The following PUDP variants were observed in gnomAD, a reference collection of about 807,000 sequenced individuals.
PUDP encodes the protein pseudouridine-5'-phosphatase.
Under a neutral mutation model 9.4 loss-of-function variants are expected in PUDP, and 8 were observed. The observed-to-expected ratio is 0.85, with a 90% CI of 0.50 to 1.53. PUDP has a LOEUF of 1.53. Ranked by LOEUF, PUDP falls within the 40% of genes most tolerant of loss-of-function variation. The pLI, the probability that PUDP is intolerant of heterozygous loss-of-function variation, is 0.00. For synonymous variants in PUDP, 99 were observed against 80.7 expected, an observed-to-expected ratio of 1.23 and a Z score of -1.22; for missense variants, 188 against 189.7, an observed-to-expected ratio of 0.99 and a Z score of 0.05.
intron 3 of PUDP, among the ~76,000 whole-genome samples, chrX:6,917,929 C>T (rs1927960244): frequency 1.8e-5 from 2 of 111,826 alleles, no homozygotes; most frequent in Non-Finnish European, 3.8e-5. Flanking sequence ...AACAAAGAAA[C>T]GCCAAACCAG....
At chrX:6,711,538 G>T (rs768693299) in intron 1 of PUDP, among the ~76,000 whole-genome samples, 1 of 111,373 alleles carries the variant, frequency 9.0e-6, no homozygotes. Context: ...TGGGGCAAAA[G>T]GGGCTCTGGT....
upstream of PUDP, among the ~76,000 whole-genome samples, chrX:6,723,432 C>CAA (rs549361509): frequency 2.3e-3 from 39 of 17,312 alleles, 3 homozygotes; most frequent in African/African-American, 3.1e-3. Context: ...GAGGCTCTGT[C>CAA]AAAAAAAAAA....
intron 3 of PUDP, among the ~76,000 whole-genome samples, chrX:6,841,519 T>C (rs907969690): frequency 6.3e-5 from 7 of 110,585 alleles, no homozygotes; most frequent in African/African-American, 2.3e-4. Flanking sequence ...AAGGATTGCT[T>C]GAGCCCAGGA....
At chrX:6,723,598 A>C (rs780493115), upstream of PUDP, among the ~76,000 whole-genome samples, 2 of 109,461 alleles carry the variant, frequency 1.8e-5, no homozygotes, top group East Asian at 5.7e-4. Context: ...CAGGAGACTA[A>C]GGCAAGAGGA....
intron 1 of PUDP, among the ~76,000 whole-genome samples, chrX:6,997,323 A>G (rs1464765706): frequency 8.9e-6 from 1 of 112,435 alleles, no homozygotes; most frequent in African/African-American, 3.2e-5. Flanking sequence ...GGTAAAAACC[A>G]TTTACTAGTT....
At chrX:7,065,217 T>A (rs754835876) in intron 3 of PUDP, among the ~76,000 whole-genome samples, 32 of 111,856 alleles carry the variant, frequency 2.9e-4, no homozygotes, top group African/African-American at 1.0e-3. Context: ...CATTAGCCAC[T>A]TCTTCTGGGG....
intron 3 of PUDP, among the ~76,000 whole-genome samples, chrX:6,964,544 C>T (rs755565173): frequency 3.6e-4 from 40 of 110,832 alleles, no homozygotes; most frequent in Non-Finnish European, 7.2e-4. Context: ...CGTGGTGGCA[C>T]ACAACTATGG....
chrX:6,750,987 AG>A (rs749166244), intron 3 of PUDP, among the ~76,000 whole-genome samples: 2 of 110,013 alleles, frequency 1.8e-5, no homozygotes, highest in East Asian at 5.8e-4. Flanking sequence ...AAAATACAAA[AG>A]GAAATTAGCC....
At chrX:6,868,680 T>A (rs1431097138) in intron 3 of PUDP, among the ~76,000 whole-genome samples, 1 of 112,471 alleles carries the variant, frequency 8.9e-6, no homozygotes, top group African/African-American at 3.2e-5. Context: ...AAGCCTACTT[T>A]ATTTATTCTG....
At chrX:6,716,489 T>C (rs774893686) in intron 1 of PUDP, among the ~76,000 whole-genome samples, 8 of 111,749 alleles carry the variant, frequency 7.2e-5, no homozygotes, top group Non-Finnish European at 1.3e-4. Context: ...AGAATAAATA[T>C]GCATGTCGAA....
chrX:7,137,495 C>T (rs1466043000), intron 1 of PUDP, among the ~76,000 whole-genome samples: 16 of 111,282 alleles, frequency 1.4e-4, no homozygotes, highest in Admixed American at 1.2e-3. Context: ...TGCAGTGAGC[C>T]GAGATCGCAC....
intron 3 of PUDP, among the ~76,000 whole-genome samples, chrX:6,918,763 T>C (rs1017594698): frequency 7.1e-5 from 8 of 112,224 alleles, no homozygotes; most frequent in Non-Finnish European, 1.5e-4. Flanking sequence ...AAAATGTCCA[T>C]TCATGAGGGC....
rs146840177 is a variant in PUDP at position 7,030,430 on chromosome X, G to A, written c.204+46790C>T. ...CTGAGTTAAACAAAACCAGTGTTCT[G>A]TGTTGGATGCTTCTCAAATCCTTAA... On this transcript the variant is annotated intron_variant and NMD_transcript_variant, in intron 1 of 3. Coordinates refer to the PUDP transcript ENST00000655425. Among the ~76,000 whole-genome samples the A allele has an allele frequency of 8.0e-5, 9 of 112,210 alleles. No homozygotes were observed. The East Asian group carries it at 2.5e-3, about 32-fold the overall frequency.
In PUDP at chrX:7,050,139, A is replaced by G; in HGVS notation, c.*157T>C. Reference sequence around the variant, plus strand: ...TCAAGTCACATTTTATCAACACGTTAGACTGGGACAAACCAACATGGGATG... The same window carrying G: ...TCAAGTCACATTTTATCAACACGTTGGACTGGGACAAACCAACATGGGATG... On this transcript the variant is annotated 3_prime_UTR_variant, in exon 4 of 4. Coordinates refer to ENST00000381077, the MANE Select transcript of PUDP (RefSeq NM_012080.5). 2.1e-6 allele frequency: 1 copy of G among 479,169 alleles called. No individual in the cohort carries two copies. The highest frequency in any genetic ancestry group is 3.4e-6 in the Non-Finnish European group (1 of 295,287). 39.5% of individuals were successfully genotyped at this position (479,169 alleles called of 1,213,427 possible).
At chrX:7,124,246 C>A (rs142407372) in intron 1 of PUDP, among the ~76,000 whole-genome samples, 2,696 of 111,668 alleles carry the variant, frequency 0.024, 48 homozygotes, top group African/African-American at 0.054. Flanking sequence ...GGGAAATTCA[C>A]AAATAATGTG....
intron 3 of PUDP, among the ~76,000 whole-genome samples, chrX:7,058,370 C>T (rs1930306501): frequency 8.9e-6 from 1 of 112,059 alleles, no homozygotes; most frequent in South Asian, 3.7e-4. Flanking sequence ...CCTGGAATTA[C>T]ATGGAAGCAC....
chrX:6,794,205 T>G (rs762257704), intron 3 of PUDP, among the ~76,000 whole-genome samples: 1 of 112,546 alleles, frequency 8.9e-6, no homozygotes, highest in East Asian at 2.8e-4. Flanking sequence ...CAAACCTGGA[T>G]GTGATAACCT....
chrX:6,911,350 C>T (rs1051927597), intron 3 of PUDP, among the ~76,000 whole-genome samples: 1 of 109,856 alleles, frequency 9.1e-6, no homozygotes, highest in African/African-American at 3.3e-5. Context: ...CATACCACCA[C>T]ACCTGGCTAA....
intron 3 of PUDP, among the ~76,000 whole-genome samples, chrX:6,727,671 C>A (rs1924755621): frequency 9.0e-6 from 1 of 111,700 alleles, no homozygotes. Context: ...GATGGCCAAC[C>A]TATTTTTATA....
Sources: gnomAD v4.1 joint callset for allele counts (sites outside exome capture counted in the v4.1 genomes callset) on GRCh38, gnomAD v4.1.1 for gene constraint, MANE v1.5 for transcripts, NCBI Gene and HGNC (gene_info 2026-07-23, HGNC 2026-07-21) for gene names.